Variants in RICTOR observed in about 807,000 individuals in gnomAD.
RICTOR encodes the protein RPTOR independent companion of MTOR complex 2.
RICTOR carries 49 observed loss-of-function variants against 214.9 expected under a neutral mutation model. The ratio of observed to expected loss-of-function variants is 0.23; its 90% CI spans 0.18 to 0.29. RICTOR has a LOEUF of 0.29. Among genes scored for constraint, RICTOR ranks in the 10% least tolerant of loss-of-function variants. RICTOR has a pLI of 1.00. For missense variants in RICTOR, 1,625 were observed against 2,047.0 expected (o/e 0.79, Z 3.98); for synonymous variants, 717 against 711.3 (o/e 1.01, Z -0.13).
In RICTOR at chr5:38,990,798, T is replaced by TATGA. The variant is rs1561503281; in HGVS notation, c.583+150_583+151insTCAT. The TATGA allele has an allele frequency of 1.8e-3, 173 of 98,108 alleles. 9 individuals carry two copies. Among genetic ancestry groups the TATGA allele is most frequent in the African/African-American group, 7.9e-3 (161 of 20,270 alleles). The allele number at this position is 98,108 out of a possible 1,614,324, so 6.1% of individuals were successfully genotyped here. A position where few individuals can be genotyped will look rare whatever the true frequency, so the allele number is the denominator to read the frequency against. ...ATATATATGAGATATATGAGATATA[T>TATGA]GATATATATGAGATATATGAGATAT... On this transcript the variant is annotated intron_variant, in intron 7 of 37. Transcript: ENST00000357387.
Position 38,940,233 on chromosome 5 carries a change from G to C in RICTOR, c.*2071C>G. On this transcript the variant is annotated 3_prime_UTR_variant, in exon 38 of 38. Transcript: ENST00000357387. ...AGGTGAGGGTACAGGGATAGTGATG[G>C]TGGGGGAGGGGGTGTGTGTGTGTGT... 4.3e-6 allele frequency: 1 copy of C among 231,610 alleles called. No homozygotes were observed. The allele number at this position is 231,610 out of a possible 1,614,324, so 14.3% of individuals were successfully genotyped here. A position where few individuals can be genotyped will look rare whatever the true frequency, so the allele number is the denominator to read the frequency against.
At position 38,941,878 on chromosome 5, in the gene RICTOR, C is replaced by T. The variant is rs1747606981; in HGVS notation, c.*426G>A. The stretch of plus-strand genomic sequence containing the variant: ...CCTTAGAGACACTGATTCCTGCTTT[C>T]CACAAGTTAGTTAACAAACAAGGCA... On this transcript the variant is annotated 3_prime_UTR_variant, in exon 38 of 38. Transcript: ENST00000357387. 8.6e-6 allele frequency: 2 copies of T among 233,756 alleles called. No individual in the cohort carries two copies. The highest frequency in any genetic ancestry group is 1.2e-4 in the East Asian group (2 of 16,528). The allele number at this position is 233,756 out of a possible 1,614,324, so 14.5% of individuals were successfully genotyped here. A position where few individuals can be genotyped will look rare whatever the true frequency, so the allele number is the denominator to read the frequency against.
In RICTOR at chr5:38,953,110, C is replaced by T. The variant is rs1468269581; in HGVS notation, c.2791-19G>A. ...TATTTCCCTGAAAGAAAAGAAATCA[C>T]TTACATCAAATATAAGAGTCACTCT... On this transcript the variant is annotated intron_variant, in intron 28 of 37. Transcript: ENST00000357387. 1 of 1,489,316 alleles carries T rather than the reference C, an allele frequency of 6.7e-7. No individual in the cohort carries two copies. Among genetic ancestry groups the T allele is most frequent in the African/African-American group, 1.4e-5 (1 of 72,298 alleles). 92.3% of individuals were successfully genotyped at this position (1,489,316 alleles called of 1,614,324 possible).
chr5:38,994,451 A>AGG, intron 6 of RICTOR, among the ~76,000 whole-genome samples: 1 of 101,562 alleles, frequency 9.8e-6, no homozygotes. Flanking sequence ...AAAAAAAAAA[A>AGG]AGTGCTTCAG....
At chr5:38,994,055 T>C (rs2150087628) in intron 6 of RICTOR, among the ~76,000 whole-genome samples, 1 of 152,084 alleles carries the variant, frequency 6.6e-6, no homozygotes, top group Admixed American at 6.5e-5. Context: ...CAGGGCGTGG[T>C]GGCGGGTGCC....
chr5:39,037,840 CA>C (rs994168657), intron 2 of RICTOR, among the ~76,000 whole-genome samples: 2 of 152,034 alleles, frequency 1.3e-5, no homozygotes, highest in Non-Finnish European at 2.9e-5. Flanking sequence ...GCTTACCAAC[CA>C]AAAAAAGTCC....
chr5:39,044,510 A>C (rs1388783417), intron 2 of RICTOR, among the ~76,000 whole-genome samples: 1 of 152,154 alleles, frequency 6.6e-6, no homozygotes, highest in Non-Finnish European at 1.5e-5. Context: ...CATACACAAA[A>C]GAGGGAATAA....
Position 38,959,266 on chromosome 5 carries a change from A to G in RICTOR, c.2107T>C (p.Ser703Pro). ...CCATCTCTGCTATAGTCCAAGCTAG[A>G]AACAGTAAGTTTTAGCAAGTGATCT... is the stretch of plus-strand genomic sequence containing the variant. ...NQDHLLKLTV[S>P]SLDYSRDGLA... The change falls in exon 22 of 38, where the codon TCT (serine) becomes CCT (proline). Residue 703 changes from serine to proline, a missense_variant. Ser to Pro is a moderately conservative substitution (Grantham distance 74). Transcript: ENST00000357387. The G allele has an allele frequency of 1.2e-6, 2 of 1,600,442 alleles. No homozygotes were observed. The highest frequency in any genetic ancestry group is 1.7e-6 in the Non-Finnish European group (2 of 1,172,294).
intron 2 of RICTOR, among the ~76,000 whole-genome samples, chr5:39,024,315 T>C (rs1280857916): frequency 6.6e-6 from 1 of 152,082 alleles, no homozygotes; most frequent in Non-Finnish European, 1.5e-5. Context: ...TACTTAGAGA[T>C]TTTGGGGAGT....
chr5:38,996,440 T>C (rs997180137), intron 6 of RICTOR, among the ~76,000 whole-genome samples: 2 of 152,226 alleles, frequency 1.3e-5, no homozygotes, highest in Admixed American at 6.5e-5. Flanking sequence ...TTCTTAGTAT[T>C]TGTGACTTCC....
At chr5:39,050,757 G>T (rs1275245837) in intron 2 of RICTOR, among the ~76,000 whole-genome samples, 1 of 152,026 alleles carries the variant, frequency 6.6e-6, no homozygotes, top group Non-Finnish European at 1.5e-5. Context: ...ATATACCTTG[G>T]ATTTGCTTCA....
At chr5:38,999,478 G>T (rs555514195) in intron 5 of RICTOR, among the ~76,000 whole-genome samples, 1 of 152,112 alleles carries the variant, frequency 6.6e-6, no homozygotes, top group South Asian at 2.1e-4. Flanking sequence ...AAAATAGAGG[G>T]ATTTACAGAC....
rs200973443 is a variant in RICTOR, at chr5:38,990,718, G to T, written c.583+231C>A. ...GATATATATCAGATATGATATATAT[G>T]ATATATATCATATATATGATATATA... On this transcript the variant is annotated intron_variant, in intron 7 of 37. Transcript: ENST00000357387. Among the ~76,000 whole-genome samples the T allele has an allele frequency of 3.1e-4, 5 of 15,970 alleles. 2 individuals carry two copies. The highest frequency in any genetic ancestry group is 8.4e-4 in the African/African-American group (5 of 5,932). 10.5% of individuals were successfully genotyped at this position (15,970 alleles called of 152,430 possible). A position where few individuals can be genotyped will look rare whatever the true frequency, so the allele number is the denominator to read the frequency against.
At chr5:39,030,824 CATTTACT>C (rs1273791614) in intron 2 of RICTOR, among the ~76,000 whole-genome samples, 2 of 152,144 alleles carry the variant, frequency 1.3e-5, no homozygotes, top group Non-Finnish European at 2.9e-5. Context: ...GTCCAACCAA[CATTTACT>C]AAGCATGAAG....
At position 38,967,948 on chromosome 5, in the gene RICTOR, C is replaced by T. The variant is rs1228693070; in HGVS notation, c.1055G>A (p.Ser352Asn). 2 of 1,525,818 alleles carry T rather than the reference C, an allele frequency of 1.3e-6. No individual in the cohort carries two copies. The highest frequency in any genetic ancestry group is 1.8e-6 in the Non-Finnish European group (2 of 1,100,154). The allele number at this position is 1,525,818 out of a possible 1,614,324, so 94.5% of individuals were successfully genotyped here. A position where few individuals can be genotyped will look rare whatever the true frequency, so the allele number is the denominator to read the frequency against. ...VTEEFIEALL[S>N]VDPGRFQDSW... ...AAATGTACTTCAATACTTACCTACA[C>T]TGAGTAGTGCTTCTATGAACTCCTC... The change falls in exon 12 of 38, where the codon AGT (serine) becomes AAT (asparagine). Residue 352 changes from serine (S) to asparagine (N), a missense_variant. Ser to Asn is a conservative substitution (Grantham distance 46). This residue lies in a region of RICTOR where 258 missense variants were observed against 393.7 expected (regional missense o/e 0.66). Transcript: ENST00000357387.
rs150020058 is a variant in RICTOR at position 39,004,828 on chromosome 5, C to T, written c.196-1206G>A. On this transcript the variant is annotated intron_variant, in intron 3 of 37. Transcript: ENST00000357387. The stretch of plus-strand genomic sequence containing the variant: ...TGGAGTTTCATTCTTGTTGCCCAGA[C>T]TGGAGCGCAATGGTGCAATCTCAGC... Among the ~76,000 whole-genome samples the T allele has an allele frequency of 5.0e-3, 665 of 133,972 alleles. 11 individuals carry two copies. The highest frequency in any genetic ancestry group is 0.018 in the African/African-American group (639 of 36,162). The allele number at this position is 133,972 out of a possible 152,430, so 87.9% of individuals were successfully genotyped here.
chr5:39,037,209 G>C (rs1417711623), intron 2 of RICTOR, among the ~76,000 whole-genome samples: 11 of 152,158 alleles, frequency 7.2e-5, no homozygotes, highest in Admixed American at 6.6e-5. Flanking sequence ...ACCTGCTCCT[G>C]AATGACTACT....
rs1050393963 is a variant in RICTOR at position 38,938,270 on chromosome 5, A to C, written c.*4034T>G. The C allele has an allele frequency of 1.3e-5, 3 of 227,526 alleles. No homozygotes were observed. Among genetic ancestry groups the C allele is most frequent in the Non-Finnish European group, 2.6e-5 (3 of 114,336 alleles). 14.1% of individuals were successfully genotyped at this position (227,526 alleles called of 1,614,324 possible). ...AAAGAAGAAACTCATGTGGTTAGAG[A>C]GCATTAAGTCTGAGATTTTTTTCAC... On this transcript the variant is annotated 3_prime_UTR_variant, in exon 38 of 38. Coordinates refer to ENST00000357387, the MANE Select transcript of RICTOR (RefSeq NM_152756.5).
chr5:38,990,816 TGAGATATATGATATATGA>T (rs1752702357), intron 7 of RICTOR, 115 bp downstream of exon 7: 1 of 172,488 alleles, frequency 5.8e-6, no homozygotes, highest in East Asian at 8.8e-5. Flanking sequence ...ATGAGATATA[TGAGATATATGATATATGA>T]GATATATGAG....
Sources: gnomAD v4.1 joint callset for allele counts (sites outside exome capture counted in the v4.1 genomes callset) on GRCh38, gnomAD v4.1.1 for gene constraint, gnomAD v4.1.1 regional missense constraint, MANE v1.5 for transcripts, NCBI Gene and HGNC (gene_info 2026-07-23, HGNC 2026-07-21) for gene names.